MAP4: variants seen among roughly 807,000 people sequenced by gnomAD.
The protein encoded by MAP4 is microtubule-associated protein 4.
In MAP4, 76 loss-of-function variants were observed where a neutral mutation model predicts 170.2. That is an observed-to-expected ratio of 0.45 (90% CI 0.37 to 0.54). The LOEUF (loss-of-function observed/expected upper bound fraction) is 0.54. Ranked by LOEUF, MAP4 falls within the 20% of genes least tolerant of loss-of-function variation. The probability of loss-of-function intolerance (pLI) is 0.00; values close to 1 mark genes in which losing one functional copy is unlikely to be tolerated. For synonymous variants in MAP4, 909 were observed against 994.5 expected, an observed-to-expected ratio of 0.91 and a Z score of 1.62; for missense variants, 2,506 against 2,748.0, an observed-to-expected ratio of 0.91 and a Z score of 1.97.
intron 17 of MAP4, among the ~76,000 whole-genome samples, chr3:47,863,409 ACC>A (rs1017066574): frequency 2.0e-5 from 3 of 152,090 alleles, no homozygotes; most frequent in African/African-American, 7.2e-5. Flanking sequence ...ATTCCCCCAC[ACC>A]ACCCTGCCTC....
At chr3:47,883,307 T>C (rs1226243353) in intron 10 of MAP4, among the ~76,000 whole-genome samples, 1 of 152,136 alleles carries the variant, frequency 6.6e-6, no homozygotes, top group African/African-American at 2.4e-5. Context: ...CACCACGACC[T>C]CCACCTCCCG....
chr3:48,033,531 C>T (rs2100117230), intron 1 of MAP4, among the ~76,000 whole-genome samples: 1 of 152,170 alleles, frequency 6.6e-6, no homozygotes, highest in South Asian at 2.1e-4. Context: ...ACATAACATA[C>T]AATTAACCAT....
chr3:48,008,874 C>G (rs1050171747), intron 1 of MAP4, among the ~76,000 whole-genome samples: 4 of 152,120 alleles, frequency 2.6e-5, no homozygotes, highest in African/African-American at 7.2e-5. Context: ...GCCTAATTTG[C>G]CAGCAGCAGA....
chr3:47,952,663 A>AAAAATAAAAAT (rs903205352), intron 3 of MAP4, among the ~76,000 whole-genome samples: 128 of 151,614 alleles, frequency 8.4e-4, no homozygotes, highest in African/African-American at 3.0e-3. Context: ...TAAATTAAAA[A>AAAAATAAAAAT]AAAAATAAAA....
Position 47,910,274 on chromosome 3 carries a change from T to C in MAP4, c.4147A>G (p.Asn1383Asp). Residue 1383 changes from asparagine (N) to aspartate (D), a missense_variant, in exon 9 of 21, where the codon AAT becomes GAT. This residue lies in a region of MAP4 where 2,008 missense variants were observed against 2,206.0 expected (regional missense o/e 0.91). Transcript: ENST00000683076. ...NSSPEKHILE[N>D]KIDATKIHVP... ...TGTATTTTTGTTGCATCTATCTTAT[T>C]CTCCAGAATGTGCTTCTCAGGAGAA... 1 of 1,602,760 alleles carries C rather than the reference T, an allele frequency of 6.2e-7. No homozygotes were observed. Among genetic ancestry groups the C allele is most frequent in the Non-Finnish European group, 8.5e-7 (1 of 1,178,770 alleles).
intron 10 of MAP4, among the ~76,000 whole-genome samples, chr3:47,900,396 G>A (rs1056667441): frequency 1.1e-4 from 16 of 152,094 alleles, no homozygotes; most frequent in Admixed American, 3.3e-4. Context: ...AAGCTGAGGC[G>A]AATAATCTGA....
At chr3:48,086,947 G>A (rs1200733882) in intron 1 of MAP4, among the ~76,000 whole-genome samples, 2 of 152,208 alleles carry the variant, frequency 1.3e-5, no homozygotes, top group African/African-American at 4.8e-5. Flanking sequence ...TGTGGGGGTT[G>A]GAGAGACCTT....
intron 10 of MAP4, among the ~76,000 whole-genome samples, chr3:47,895,526 C>T (rs186407004): frequency 6.6e-6 from 1 of 152,332 alleles, no homozygotes; most frequent in Admixed American, 6.5e-5. Context: ...CTGGGCATGG[C>T]GGACGTTGCA....
intron 1 of MAP4, among the ~76,000 whole-genome samples, chr3:48,085,603 T>C (rs940484178): frequency 6.6e-5 from 10 of 152,168 alleles, no homozygotes; most frequent in Admixed American, 3.9e-4. Context: ...AAAGGGAGAC[T>C]CACTAGACTT....
chr3:48,028,150 G>A (rs552236946), intron 1 of MAP4, among the ~76,000 whole-genome samples: 19 of 152,220 alleles, frequency 1.2e-4, no homozygotes, highest in African/African-American at 4.6e-4. Flanking sequence ...AAATTAGCCA[G>A]GTGTGGTAGC....
chr3:47,968,748 T>A, intron 3 of MAP4, among the ~76,000 whole-genome samples: 1 of 150,218 alleles, frequency 6.7e-6, no homozygotes, highest in Non-Finnish European at 1.5e-5. Context: ...AAGATTAAAG[T>A]GGAAATAAAG....
rs961471371 is a variant in MAP4 at position 47,910,738 on chromosome 3, T to C, written c.3683A>G (p.Gln1228Arg). The C allele has an allele frequency of 3.8e-5, 58 of 1,536,018 alleles. No individual in the cohort carries two copies. The highest frequency in any genetic ancestry group is 4.9e-5 in the Non-Finnish European group (56 of 1,146,912). The change falls in exon 9 of 21, where the codon CAG (glutamine) becomes CGG (arginine). Residue 1228 changes from glutamine to arginine, a missense_variant. Coordinates refer to ENST00000683076, the MANE Select transcript of MAP4 (RefSeq NM_001385682.1). Reference protein sequence around the residue: ...SKKFKNNYSTQPARMERKEEI... With the variant: ...SKKFKNNYSTRPARMERKEEI... ...TTCCTTCCTCTCCATTCTAGCAGGC[T>C]GTGTGGAATAATTATTTTTAAACTT...
intron 3 of MAP4, among the ~76,000 whole-genome samples, chr3:47,953,869 C>T (rs986908622): frequency 2.6e-5 from 4 of 151,926 alleles, no homozygotes; most frequent in Non-Finnish European, 5.9e-5. Flanking sequence ...CAAAAATTAG[C>T]CAGGTGTGGT....
intron 1 of MAP4, among the ~76,000 whole-genome samples, chr3:48,012,598 T>A (rs1285095859): frequency 6.6e-6 from 1 of 152,176 alleles, no homozygotes; most frequent in Non-Finnish European, 1.5e-5. Flanking sequence ...GAATGCAGAT[T>A]ATCAAAGGGC....
intron 1 of MAP4, among the ~76,000 whole-genome samples, chr3:48,003,269 A>G (rs2100100323): frequency 6.6e-6 from 1 of 151,964 alleles, no homozygotes; most frequent in Non-Finnish European, 1.5e-5. Flanking sequence ...CCTGGTTAAC[A>G]TGGTGAAACC....
Position 47,877,503 on chromosome 3 carries a change from C to T in MAP4, c.5455G>A (p.Gly1819Arg). ...SVYGIARPEE[G>R]RPVVSGTGND... ...CCTGTCCCACTCACCACAGGCCTTC[C>T]TTCTTCTGGCCTGGCTATTCCTAAG... The change falls in exon 11 of 21, where the codon GGA becomes AGA. Residue 1819 changes from glycine (G) to arginine (R), a missense_variant. Physicochemically the swap from Gly to Arg is moderately radical, Grantham distance 125 (BLOSUM62 -2). Transcript: ENST00000683076. 4 of 1,613,476 alleles carry T rather than the reference C, an allele frequency of 2.5e-6. No homozygotes were observed. The highest frequency in any genetic ancestry group is 1.7e-4 in the Middle Eastern group (1 of 6,044).
chr3:48,029,024 T>C (rs2154512927), intron 1 of MAP4, among the ~76,000 whole-genome samples: 1 of 151,894 alleles, frequency 6.6e-6, no homozygotes, highest in East Asian at 1.9e-4. Context: ...CACACACCTG[T>C]AGTCCCAGCT....
chr3:47,937,764 C>T (rs541009623), intron 3 of MAP4, among the ~76,000 whole-genome samples: 7 of 149,414 alleles, frequency 4.7e-5, no homozygotes, highest in South Asian at 2.1e-4. Context: ...CGGGTTCAAG[C>T]GATTCTCCTG....
chr3:47,907,071 G>A (rs1338132675), intron 9 of MAP4, among the ~76,000 whole-genome samples: 1 of 152,126 alleles, frequency 6.6e-6, no homozygotes, highest in Non-Finnish European at 1.5e-5. Flanking sequence ...CTGACCTCAG[G>A]TGATCCGCCT....
Sources: gnomAD v4.1 joint callset for allele counts (sites outside exome capture counted in the v4.1 genomes callset) on GRCh38, gnomAD v4.1.1 for gene constraint, gnomAD v4.1.1 regional missense constraint, MANE v1.5 for transcripts, NCBI Gene and HGNC (gene_info 2026-07-23, HGNC 2026-07-21) for gene names.